Variants in KAZN observed in about 807,000 individuals in gnomAD.
The protein encoded by KAZN is kazrin, periplakin interacting protein, also known as kazrin.
Under a neutral mutation model 87.4 loss-of-function variants are expected in KAZN, and 40 were observed. The observed-to-expected ratio is 0.46, with a 90% CI of 0.36 to 0.60. The LOEUF (loss-of-function observed/expected upper bound fraction) is 0.60, where lower values mean the gene tolerates loss of function less well. Ranked by LOEUF, KAZN falls within the 20% of genes least tolerant of loss-of-function variation. The pLI is 0.00. For synonymous variants in KAZN, 466 were observed against 458.3 expected, an observed-to-expected ratio of 1.02 and a Z score of -0.22; for missense variants, 898 against 1,073.9, an observed-to-expected ratio of 0.84 and a Z score of 2.29.
intron 2 of KAZN, among the ~76,000 whole-genome samples, chr1:14,523,117 G>T (rs1671673865): frequency 6.6e-6 from 1 of 152,186 alleles, no homozygotes; most frequent in Non-Finnish European, 1.5e-5. Context: ...ACCAGGCATG[G>T]AGGCTTCAGG....
intron 3 of KAZN, among the ~76,000 whole-genome samples, chr1:15,035,494 A>G (rs1017860902): frequency 6.6e-6 from 1 of 152,146 alleles, no homozygotes; most frequent in South Asian, 2.1e-4. Context: ...TTGTTTCACC[A>G]TGTATCTCTC....
Position 14,188,550 on chromosome 1 carries a change from T to G in KAZN, c.249+7958T>G, listed in dbSNP as rs189697333. On this transcript the variant is annotated intron_variant, in intron 2 of 16. Transcript: ENST00000636203. Reference sequence around the variant, plus strand: ...AGGCTAGGGTAAGAGTTGTTCGAATTTCATGAGACATAGGAGTGGGATGGA... The same window carrying G: ...AGGCTAGGGTAAGAGTTGTTCGAATGTCATGAGACATAGGAGTGGGATGGA... Among the ~76,000 whole-genome samples, 29 of 152,148 alleles carry G rather than the reference T, an allele frequency of 1.9e-4. No individual in the cohort carries two copies. The East Asian group carries it at 4.3e-3, about 22-fold the overall frequency.
intron 2 of KAZN, among the ~76,000 whole-genome samples, chr1:14,289,783 C>T (rs1304452379): frequency 2.6e-5 from 4 of 152,172 alleles, no homozygotes; most frequent in Non-Finnish European, 5.9e-5. Flanking sequence ...CATCGATGGT[C>T]TTTACACTTT....
intron 2 of KAZN, among the ~76,000 whole-genome samples, chr1:14,199,996 G>A (rs946842418): frequency 6.6e-6 from 1 of 151,910 alleles, no homozygotes; most frequent in African/African-American, 2.4e-5. Context: ...GTTATCAAAC[G>A]ACTGCTTCAT....
intron 1 of KAZN, among the ~76,000 whole-genome samples, chr1:14,656,138 T>C (rs1638776205): frequency 6.6e-6 from 1 of 151,926 alleles, no homozygotes; most frequent in South Asian, 2.1e-4. Context: ...GGATGACCAC[T>C]CCCAGATTCC....
chr1:14,209,187 C>A (rs528828941), intron 2 of KAZN, among the ~76,000 whole-genome samples: 2 of 152,100 alleles, frequency 1.3e-5, no homozygotes, highest in East Asian at 3.9e-4. Flanking sequence ...CCCATCACAG[C>A]AAAGGAAAAA....
At chr1:14,242,441 GA>G (rs1215624506) in intron 2 of KAZN, among the ~76,000 whole-genome samples, 1 of 152,086 alleles carries the variant, frequency 6.6e-6, no homozygotes, top group Non-Finnish European at 1.5e-5. Context: ...TTCTTAAGGT[GA>G]AAGAGAAAGA....
At chr1:14,393,257 T>C (rs1662608990) in intron 2 of KAZN, among the ~76,000 whole-genome samples, 1 of 152,196 alleles carries the variant, frequency 6.6e-6, no homozygotes, top group South Asian at 2.1e-4. Flanking sequence ...GTATCACCTC[T>C]TGTTGATCTA....
Position 14,685,402 on chromosome 1 carries a change from G to T in KAZN, c.226+86179G>T, listed in dbSNP as rs149841412. 2.6e-3 allele frequency among the ~76,000 whole-genome samples: 393 copies of T among 152,310 alleles called. 1 individual carries two copies. Among genetic ancestry groups the T allele is most frequent in the African/African-American group, 8.8e-3 (366 of 41,572 alleles). On this transcript the variant is annotated intron_variant, in intron 1 of 14. Transcript: ENST00000376030. ...GGTGGCAGGCTGAGCTCCAGCAGGA[G>T]GGGAAGGCCTCAGATGAAGAAATGC...
intron 1 of KAZN, among the ~76,000 whole-genome samples, chr1:14,044,529 A>G (rs1462852998): frequency 2.0e-5 from 3 of 152,180 alleles, no homozygotes; most frequent in Non-Finnish European, 4.4e-5. Flanking sequence ...TAATATATAT[A>G]AATAAGTGCT....
chr1:13,999,976 A>G (rs1639706503), intron 1 of KAZN, among the ~76,000 whole-genome samples: 1 of 152,210 alleles, frequency 6.6e-6, no homozygotes, highest in African/African-American at 2.4e-5. Flanking sequence ...GGACACATAC[A>G]CCTTCCCAAG....
intron 2 of KAZN, among the ~76,000 whole-genome samples, chr1:14,471,473 G>A (rs568863072): frequency 6.6e-6 from 1 of 152,238 alleles, no homozygotes; most frequent in East Asian, 1.9e-4. Context: ...ATCGACTTTG[G>A]CTTTTGCTCT....
chr1:14,889,297 G>T (rs948529548), intron 1 of KAZN, among the ~76,000 whole-genome samples: 10 of 152,158 alleles, frequency 6.6e-5, no homozygotes, highest in African/African-American at 1.9e-4. Flanking sequence ...AATGGGCTTG[G>T]AGTTTATAAT....
chr1:14,531,666 T>G (rs1672215279), intron 2 of KAZN, among the ~76,000 whole-genome samples: 1 of 152,184 alleles, frequency 6.6e-6, no homozygotes, highest in Non-Finnish European at 1.5e-5. Flanking sequence ...TTACTTTATC[T>G]TCCCAAGCTT....
chr1:14,216,513 T>C (rs1646959282), intron 2 of KAZN, among the ~76,000 whole-genome samples: 1 of 152,204 alleles, frequency 6.6e-6, no homozygotes, highest in Non-Finnish European at 1.5e-5. Flanking sequence ...AACAAGCTGC[T>C]GTATGTTTTG....
At chr1:14,145,196 A>C (rs1404464679) in intron 1 of KAZN, among the ~76,000 whole-genome samples, 1 of 152,060 alleles carries the variant, frequency 6.6e-6, no homozygotes, top group East Asian at 1.9e-4. Flanking sequence ...TAATCCCAAC[A>C]CTTTGGGAGG....
At chr1:14,801,382 A>G (rs1415022303) in intron 1 of KAZN, among the ~76,000 whole-genome samples, 1 of 152,150 alleles carries the variant, frequency 6.6e-6, no homozygotes, top group East Asian at 1.9e-4. Flanking sequence ...CGCACAGGTG[A>G]AGCCAGGTGT....
intron 1 of KAZN, among the ~76,000 whole-genome samples, chr1:13,902,959 A>G (rs577781582): frequency 4.6e-5 from 7 of 152,340 alleles, no homozygotes; most frequent in East Asian, 1.9e-4. Flanking sequence ...TGATATGGCC[A>G]TGGGTGAGTA....
intron 1 of KAZN, among the ~76,000 whole-genome samples, chr1:14,836,199 T>G (rs1647251011): frequency 6.6e-6 from 1 of 152,034 alleles, no homozygotes; most frequent in African/African-American, 2.4e-5. Flanking sequence ...CGCTAAAGAC[T>G]CCAGGTCCCC....
Sources: allele counts gnomAD v4.1 joint callset (sites outside exome capture counted in the v4.1 genomes callset), GRCh38; gene constraint gnomAD v4.1.1; transcripts MANE v1.5; gene names NCBI Gene and HGNC (gene_info 2026-07-23, HGNC 2026-07-21).